EPB41L1: variants seen among roughly 807,000 people sequenced by gnomAD.
The protein encoded by EPB41L1 is band 4.1-like protein 1.
Under a neutral mutation model 97.8 loss-of-function variants are expected in EPB41L1, and 29 were observed. That is an observed-to-expected ratio of 0.30 (90% CI 0.22 to 0.40). The LOEUF (loss-of-function observed/expected upper bound fraction) is 0.40. EPB41L1 is among the 10% of genes least tolerant of loss of function. The probability of loss-of-function intolerance (pLI) is 1.00; values close to 1 mark genes in which losing one functional copy is unlikely to be tolerated. For missense variants in EPB41L1, 812 were observed against 1,162.3 expected, an observed-to-expected ratio of 0.70 and a Z score of 4.38; for synonymous variants, 383 against 459.2, an observed-to-expected ratio of 0.83 and a Z score of 2.12.
At chr20:36,138,746 C>G (rs1479808421) in intron 2 of EPB41L1, among the ~76,000 whole-genome samples, 1 of 152,234 alleles carries the variant, frequency 6.6e-6, no homozygotes, top group Non-Finnish European at 1.5e-5. Context: ...CAAAGTCTCA[C>G]AGCTAGGAAG....
intron 2 of EPB41L1, among the ~76,000 whole-genome samples, chr20:36,128,073 C>T (rs1021840572): frequency 1.3e-5 from 2 of 151,668 alleles, no homozygotes; most frequent in South Asian, 2.1e-4. Context: ...TGGGGGTGGG[C>T]GGGGGCAGCT....
At chr20:36,186,694 A>C (rs999657214) in intron 7 of EPB41L1, among the ~76,000 whole-genome samples, 5 of 152,200 alleles carry the variant, frequency 3.3e-5, no homozygotes, top group Non-Finnish European at 5.9e-5. Flanking sequence ...ATAGCAAGAC[A>C]TCTTAGGATT....
intron 1 of EPB41L1, among the ~76,000 whole-genome samples, chr20:36,106,091 C>A (rs2058183524): frequency 6.6e-6 from 1 of 152,174 alleles, no homozygotes; most frequent in Non-Finnish European, 1.5e-5. Context: ...GGGTGCCTAG[C>A]CCTGGAGACC....
intron 14 of EPB41L1, chr20:36,205,788 C>G (rs1249947975): frequency 8.1e-7 from 1 of 1,234,998 alleles, no homozygotes; most frequent in African/African-American, 1.6e-5. Flanking sequence ...GGGAAAAACT[C>G]ACCCATTCTT....
In EPB41L1 at chr20:36,229,416, T is replaced by C; in HGVS notation, c.*76T>C. 6.7e-7 allele frequency: 1 copy of C among 1,487,528 alleles called. No homozygotes were observed. The highest frequency in any genetic ancestry group is 9.4e-7 in the Non-Finnish European group (1 of 1,065,686). 92.1% of individuals were successfully genotyped at this position (1,487,528 alleles called of 1,614,324 possible). On this transcript the variant is annotated 3_prime_UTR_variant, in exon 22 of 22. Coordinates refer to ENST00000338074, the MANE Select transcript of EPB41L1 (RefSeq NM_012156.2). ...ATTAAGAAGGGGCCTTCATTCTGGATTCTCCGACGCAACACTGACGTCCCA... is the reference window on the plus strand; with the variant it reads ...ATTAAGAAGGGGCCTTCATTCTGGACTCTCCGACGCAACACTGACGTCCCA...
chr20:36,143,137 T>TTGTGTGTG lies in EPB41L1; in HGVS notation c.-10+30695_-10+30702dup, dbSNP rs59256378. Among the ~76,000 whole-genome samples, 234 of 130,812 alleles carry TTGTGTGTG rather than the reference T, an allele frequency of 1.8e-3. 2 individuals carry two copies. The highest frequency in any genetic ancestry group is 5.0e-3 in the African/African-American group (176 of 35,498). 85.8% of individuals were successfully genotyped at this position (130,812 alleles called of 152,430 possible). On this transcript the variant is annotated intron_variant, in intron 2 of 19. Coordinates refer to the EPB41L1 transcript ENST00000202028. ...TGTGGCTATGTGAGGGAGGGTGTGT[T>TTGTGTGTG]TGTGTGTGTGTGTGTGTGTGTGTGT...
chr20:36,102,126 C>T (rs1432761092), intron 1 of EPB41L1, among the ~76,000 whole-genome samples: 1 of 140,026 alleles, frequency 7.1e-6, no homozygotes, highest in Non-Finnish European at 1.6e-5. Flanking sequence ...GGGGGGTGGG[C>T]GTCAGATCCG....
chr20:36,222,756 A>G (rs940728330), intron 21 of EPB41L1, among the ~76,000 whole-genome samples: 2 of 152,180 alleles, frequency 1.3e-5, no homozygotes, highest in African/African-American at 4.8e-5. Context: ...GGCATTGTCT[A>G]TAAACCGGAA....
At chr20:36,188,872 C>G (rs1334411639) in intron 9 of EPB41L1, among the ~76,000 whole-genome samples, 1 of 142,024 alleles carries the variant, frequency 7.0e-6, no homozygotes, top group African/African-American at 2.7e-5. Context: ...GAGCAAGACT[C>G]TGTCTCAAAA....
intron 2 of EPB41L1, among the ~76,000 whole-genome samples, chr20:36,128,875 A>G (rs2059079143): frequency 6.6e-6 from 1 of 152,142 alleles, no homozygotes; most frequent in African/African-American, 2.4e-5. Flanking sequence ...GGTGGGAGGC[A>G]GGGATGGGAT....
At position 36,232,468 on chromosome 20, in the gene EPB41L1, C is replaced by T; in HGVS notation, c.*3128C>T. 2.5e-6 allele frequency: 1 copy of T among 397,750 alleles called. No individual in the cohort carries two copies. The highest frequency in any genetic ancestry group is 4.4e-6 in the Non-Finnish European group (1 of 225,818). 24.6% of individuals were successfully genotyped at this position (397,750 alleles called of 1,614,324 possible). A position where few individuals can be genotyped will look rare whatever the true frequency, so the allele number is the denominator to read the frequency against. ...AGGGTCTTTTTCTACTTTGCTATCT[C>T]ATGGGTCTTCATTTTCTCTTATTTT... On this transcript the variant is annotated 3_prime_UTR_variant, in exon 22 of 22. Coordinates refer to ENST00000338074, the MANE Select transcript of EPB41L1 (RefSeq NM_012156.2).
At chr20:36,136,960 C>T (rs1260963132) in intron 2 of EPB41L1, among the ~76,000 whole-genome samples, 5 of 152,146 alleles carry the variant, frequency 3.3e-5, no homozygotes, top group Non-Finnish European at 7.3e-5. Context: ...ATCACTGCAG[C>T]CCCAACCTCC....
At chr20:36,217,259 A>G (rs184483801) in intron 17 of EPB41L1, among the ~76,000 whole-genome samples, 25 of 152,376 alleles carry the variant, frequency 1.6e-4, no homozygotes, top group Admixed American at 4.6e-4. Flanking sequence ...CTAGGGTCCA[A>G]TAAATATCTG....
chr20:36,157,241 G>C (rs528571936), intron 1 of EPB41L1, among the ~76,000 whole-genome samples: 1 of 152,218 alleles, frequency 6.6e-6, no homozygotes, highest in East Asian at 1.9e-4. Context: ...AAAAAGGGCG[G>C]GGAGGATGAT....
At chr20:36,158,537 G>A (rs1443846571) in intron 1 of EPB41L1, among the ~76,000 whole-genome samples, 4 of 152,212 alleles carry the variant, frequency 2.6e-5, no homozygotes, top group Non-Finnish European at 4.4e-5. Context: ...TCTGATGTGC[G>A]TGGAACAGAT....
intron 1 of EPB41L1, chr20:36,155,791 C>T: frequency 7.8e-6 from 3 of 384,210 alleles, no homozygotes; most frequent in South Asian, 5.8e-5. Flanking sequence ...TTCCCACATT[C>T]ACTTCTGGAT....
At position 36,212,372 on chromosome 20, in the gene EPB41L1, C is replaced by T; in HGVS notation, c.2180C>T (p.Thr727Ile). Residue 727 changes from threonine (T) to isoleucine (I), a missense_variant, in exon 16 of 22, where the codon ACC (threonine) becomes ATC (isoleucine). By Grantham distance (89) the Thr-to-Ile change is moderately conservative (BLOSUM62 -1). Around this residue, in one of 3 missense-constraint regions of EPB41L1, gnomAD observed 498 missense variants for 622.7 expected, o/e 0.80. Transcript: ENST00000338074. The surrounding 1 kb of genome is among the most constrained non-coding windows in gnomAD (Gnocchi z 4.8). The stretch of plus-strand genomic sequence containing the variant: ...ACCAGAGTCTCCGCTATGGATAACA[C>T]CCAGGTAACTTGTGCCTTCCAATGT... ...LQTRVSAMDN[T>I]QQVDGSASVG... 1.9e-6 allele frequency: 3 copies of T among 1,613,922 alleles called. No homozygotes were observed. The South Asian group carries it at 3.3e-5, about 18-fold the overall frequency.
intron 2 of EPB41L1, among the ~76,000 whole-genome samples, chr20:36,122,408 C>T (rs939316499): frequency 6.6e-6 from 1 of 152,182 alleles, no homozygotes; most frequent in Non-Finnish European, 1.5e-5. Context: ...GGGCAGTGGC[C>T]ATGTGGCCTA....
chr20:36,099,476 G>T (rs966002393), intron 1 of EPB41L1, among the ~76,000 whole-genome samples: 1 of 152,192 alleles, frequency 6.6e-6, no homozygotes, highest in Non-Finnish European at 1.5e-5. Context: ...TTAAGGGCTT[G>T]TAGCTGTGAT....
Sources: allele counts gnomAD v4.1 joint callset (sites outside exome capture counted in the v4.1 genomes callset), GRCh38; gene constraint gnomAD v4.1.1; regional missense constraint gnomAD v4.1.1; non-coding constraint Gnocchi (gnomAD v3.1); transcripts MANE v1.5; gene names NCBI Gene and HGNC (gene_info 2026-07-23, HGNC 2026-07-21).